The following PAK3 variants were observed in gnomAD, a reference collection of about 807,000 sequenced individuals.
The protein encoded by PAK3 is p21 (RAC1) activated kinase 3.
A neutral mutation model predicts 41.0 loss-of-function variants in PAK3; 4 were observed. That is an observed-to-expected ratio of 0.10 (90% CI 0.05 to 0.22). The LOEUF (loss-of-function observed/expected upper bound fraction) is 0.22, where lower values mean the gene tolerates loss of function less well. Ranked by LOEUF, PAK3 falls within the 10% of genes least tolerant of loss-of-function variation. The pLI is 1.00. For missense variants in PAK3, 205 were observed against 409.9 expected, an observed-to-expected ratio of 0.50 and a Z score of 4.32; for synonymous variants, 146 against 139.6, an observed-to-expected ratio of 1.05 and a Z score of -0.32.
intron 8 of PAK3, among the ~76,000 whole-genome samples, chrX:111,161,312 T>C (rs1005574854): frequency 9.0e-6 from 1 of 111,593 alleles, no homozygotes; most frequent in African/African-American, 3.3e-5. Flanking sequence ...TTGATGGGGT[T>C]GTTTGTTTTT....
intron 1 of PAK3, among the ~76,000 whole-genome samples, chrX:110,965,418 C>G (rs1445219982): frequency 1.8e-5 from 2 of 112,146 alleles, no homozygotes; most frequent in Non-Finnish European, 3.8e-5. Context: ...CTAAGGTCTG[C>G]TGCAGTGGCC....
At chrX:111,218,755 T>C (rs1253721776) in intron 17 of PAK3, among the ~76,000 whole-genome samples, 1 of 111,243 alleles carries the variant, frequency 9.0e-6, no homozygotes, top group Admixed American at 9.6e-5. Flanking sequence ...GGGACAAGCA[T>C]GATGACAACT....
At chrX:111,142,449 C>T (rs970300979) in intron 6 of PAK3, among the ~76,000 whole-genome samples, 6 of 112,054 alleles carry the variant, frequency 5.4e-5, no homozygotes, top group African/African-American at 1.6e-4. Context: ...ATTAACTAAC[C>T]ATGGCACAGA....
chrX:110,956,521 T>C (rs180739058), intron 1 of PAK3, among the ~76,000 whole-genome samples: 11 of 111,678 alleles, frequency 9.8e-5, no homozygotes, highest in African/African-American at 3.3e-4. Flanking sequence ...ATAGCCTTTT[T>C]GCATAGGGGA....
chrX:111,111,371 G>A (rs889957374), intron 4 of PAK3, among the ~76,000 whole-genome samples: 3 of 111,618 alleles, frequency 2.7e-5, no homozygotes, highest in Non-Finnish European at 5.7e-5. Context: ...GATATTTCTA[G>A]TTAAGTTTTT....
intron 1 of PAK3, among the ~76,000 whole-genome samples, chrX:111,057,328 T>C (rs778945828): frequency 8.9e-6 from 1 of 112,109 alleles, no homozygotes; most frequent in South Asian, 3.7e-4. Context: ...TAATTTACAA[T>C]GCATATCCAT....
upstream of PAK3, among the ~76,000 whole-genome samples, chrX:111,094,678 T>TA (rs2092956009): frequency 1.0e-5 from 1 of 98,960 alleles, no homozygotes; most frequent in Admixed American, 1.1e-4. Flanking sequence ...AATCTGTAGC[T>TA]CTTTTTTTTT....
intron 10 of PAK3, among the ~76,000 whole-genome samples, chrX:111,166,261 C>T (rs1383120803): frequency 9.0e-6 from 1 of 111,413 alleles, no homozygotes; most frequent in Non-Finnish European, 1.9e-5. Context: ...CACTTAACTC[C>T]TCTGAGCCTC....
chrX:111,196,023 C>G lies in PAK3; in HGVS notation c.1210+82C>G, dbSNP rs1221994446. 7 of 641,025 alleles carry G rather than the reference C, an allele frequency of 1.1e-5. No homozygotes were observed. The East Asian group carries it at 2.3e-4, about 21-fold the overall frequency. 52.8% of individuals were successfully genotyped at this position (641,025 alleles called of 1,213,427 possible). A position where few individuals can be genotyped will look rare whatever the true frequency, so the allele number is the denominator to read the frequency against. ...GTATATCTTAAGAAGATAATGGTTA[C>G]TGAAAGTGATTTATTTGAAAGAAGT... On this transcript the variant is annotated intron_variant, in intron 15 of 17. Coordinates refer to ENST00000372007, the MANE Select transcript of PAK3 (RefSeq NM_002578.5).
chrX:111,159,873 C>T (rs959457711), intron 8 of PAK3, among the ~76,000 whole-genome samples: 5 of 112,075 alleles, frequency 4.5e-5, no homozygotes, highest in African/African-American at 1.6e-4. Flanking sequence ...CTTTCAAATG[C>T]TTGTTTATAA....
chrX:111,117,578 C>T (rs1172115770), intron 4 of PAK3, among the ~76,000 whole-genome samples: 1 of 111,979 alleles, frequency 8.9e-6, no homozygotes, highest in Non-Finnish European at 1.9e-5. Flanking sequence ...TGCCTAACTA[C>T]TTGGCAGTTA....
intron 4 of PAK3, among the ~76,000 whole-genome samples, chrX:111,114,663 C>T (rs1453429993): frequency 4.5e-5 from 5 of 111,846 alleles, no homozygotes; most frequent in African/African-American, 1.6e-4. Context: ...GGCCACAAAA[C>T]CAACTGGTGA....
chrX:111,116,032 G>A (rs1411640938), intron 4 of PAK3, among the ~76,000 whole-genome samples: 2 of 110,899 alleles, frequency 1.8e-5, no homozygotes, highest in Non-Finnish European at 3.8e-5. Context: ...ATATTTCACT[G>A]GGGTGGATCA....
intron 7 of PAK3, among the ~76,000 whole-genome samples, chrX:111,150,839 T>C (rs1490944675): frequency 1.8e-5 from 2 of 112,089 alleles, no homozygotes; most frequent in Non-Finnish European, 3.8e-5. Flanking sequence ...CAATAATTTA[T>C]TAACTTATTA....
intron 1 of PAK3, among the ~76,000 whole-genome samples, chrX:111,062,570 C>A (rs1044403075): frequency 8.9e-6 from 1 of 111,959 alleles, no homozygotes; most frequent in African/African-American, 3.3e-5. Flanking sequence ...AAGAATTTCC[C>A]AGAGAGAGGT....
rs184825656 is a variant in PAK3 at position 111,172,163 on chromosome X, T to A, written c.767-855T>A. Among the ~76,000 whole-genome samples the A allele has an allele frequency of 2.0e-3, 220 of 111,739 alleles. 1 individual carries two copies. The highest frequency in any genetic ancestry group is 4.6e-3 in the Middle Eastern group (1 of 219). On this transcript the variant is annotated intron_variant, in intron 10 of 17. Transcript: ENST00000372007. Reference sequence around the variant, plus strand: ...AGTTCTTAGATTGTTTTTTAGCGATTATACCAATTTATGTACCCACCATCA... The same window carrying A: ...AGTTCTTAGATTGTTTTTTAGCGATAATACCAATTTATGTACCCACCATCA...
intron 4 of PAK3, among the ~76,000 whole-genome samples, chrX:111,108,040 T>A (rs2093305532): frequency 8.9e-6 from 1 of 111,847 alleles, no homozygotes; most frequent in Admixed American, 9.5e-5. Flanking sequence ...TTCATTTGTG[T>A]GGGAAAGATC....
intron 1 of PAK3, among the ~76,000 whole-genome samples, chrX:111,088,550 A>T (rs2092907122): frequency 8.9e-6 from 1 of 112,030 alleles, no homozygotes; most frequent in Non-Finnish European, 1.9e-5. Flanking sequence ...GCCTCTAGGT[A>T]GATTCTAGGA....
intron 11 of PAK3, among the ~76,000 whole-genome samples, chrX:111,179,899 C>T (rs2094447025): frequency 9.0e-6 from 1 of 111,313 alleles, no homozygotes. Flanking sequence ...ACTGGGATTA[C>T]AGGCGTGTGT....
Sources: allele counts gnomAD v4.1 joint callset (sites outside exome capture counted in the v4.1 genomes callset), GRCh38; gene constraint gnomAD v4.1.1; transcripts MANE v1.5; gene names NCBI Gene and HGNC (gene_info 2026-07-23, HGNC 2026-07-21).